Variants in KIF26B observed in about 807,000 individuals in gnomAD.
KIF26B encodes the protein kinesin family member 26B, also known as kinesin-like protein KIF26B.
Under a neutral mutation model 151.2 loss-of-function variants are expected in KIF26B, and 63 were observed. The ratio of observed to expected loss-of-function variants is 0.42; its 90% CI spans 0.34 to 0.51. The LOEUF is 0.51. Ranked by LOEUF, KIF26B falls within the 20% of genes least tolerant of loss-of-function variation. The pLI is 0.07. For missense variants in KIF26B, 2,813 were observed against 2,913.6 expected, an observed-to-expected ratio of 0.97 and a Z score of 0.79; for synonymous variants, 1,357 against 1,262.1, an observed-to-expected ratio of 1.08 and a Z score of -1.59.
chr1:245,347,688 C>G (rs1672482031), intron 2 of KIF26B, among the ~76,000 whole-genome samples: 1 of 152,196 alleles, frequency 6.6e-6, no homozygotes, highest in Non-Finnish European at 1.5e-5. Flanking sequence ...TTTCCAGTTT[C>G]TCATCTCTAT....
chr1:245,419,636 C>A lies in KIF26B; in HGVS notation c.1057C>A (p.Arg353Ser). The A allele has an allele frequency of 1.2e-6, 2 of 1,613,870 alleles. No individual in the cohort carries two copies. Among genetic ancestry groups the A allele is most frequent in the Non-Finnish European group, 1.7e-6 (2 of 1,179,824 alleles). Reference protein sequence around the residue: ...REGLTEAVLNRYNADKPSACS... With the variant: ...REGLTEAVLNSYNADKPSACS... Reference sequence around the variant, plus strand: ...GGGACTAACAGAAGCAGTGCTGAACCGCTACAATGCAGACAAGCCTTCCGC... The same window carrying A: ...GGGACTAACAGAAGCAGTGCTGAACAGCTACAATGCAGACAAGCCTTCCGC... The change falls in exon 4 of 15, where the codon CGC becomes AGC. Residue 353 changes from arginine (R) to serine (S), a missense_variant. Physicochemically the swap from Arg to Ser is moderately radical, Grantham distance 110 (BLOSUM62 -1). Around this residue, in one of 3 missense-constraint regions of KIF26B, gnomAD observed 676 missense variants for 688.1 expected, o/e 0.98. Coordinates refer to ENST00000407071, the MANE Select transcript of KIF26B (RefSeq NM_018012.4).
chr1:245,160,766 G>A (rs867676929), intron 2 of KIF26B, among the ~76,000 whole-genome samples: 14 of 152,152 alleles, frequency 9.2e-5, no homozygotes, highest in Non-Finnish European at 1.3e-4. Flanking sequence ...ATACTGAGAA[G>A]GGTGGCCAGG....
chr1:245,308,232 G>A (rs1050276786), intron 2 of KIF26B, among the ~76,000 whole-genome samples: 15 of 152,288 alleles, frequency 9.8e-5, no homozygotes, highest in African/African-American at 3.1e-4. Flanking sequence ...TCTGGGAGAG[G>A]GAGAGGCATG....
At chr1:245,651,595 C>T (rs2044016287) in intron 10 of KIF26B, among the ~76,000 whole-genome samples, 1 of 152,202 alleles carries the variant, frequency 6.6e-6, no homozygotes, top group Admixed American at 6.5e-5. Flanking sequence ...TCCAAACCCC[C>T]AGGCCACAGA....
Position 245,234,160 on chromosome 1 carries a change from G to A in KIF26B, c.465+77477G>A, listed in dbSNP as rs113131471. Among the ~76,000 whole-genome samples the A allele has an allele frequency of 1.9e-3, 295 of 151,838 alleles. 1 individual carries two copies. Among genetic ancestry groups the A allele is most frequent in the African/African-American group, 6.9e-3 (284 of 41,388 alleles). ...GATCGCGCCACTGCACTTCAGCCTG[G>A]CCTTTAGAACGAGACTCCCTCTTAA... On this transcript the variant is annotated intron_variant, in intron 2 of 14. Coordinates refer to ENST00000407071, the MANE Select transcript of KIF26B (RefSeq NM_018012.4).
intron 12 of KIF26B, among the ~76,000 whole-genome samples, chr1:245,695,011 C>T (rs916547116): frequency 6.6e-6 from 1 of 152,142 alleles, no homozygotes; most frequent in African/African-American, 2.4e-5. Flanking sequence ...GGGCACCACA[C>T]GACTCCCGCC....
At chr1:245,700,838 G>C (rs920150339) in intron 14 of KIF26B, among the ~76,000 whole-genome samples, 1 of 152,222 alleles carries the variant, frequency 6.6e-6, no homozygotes, top group Non-Finnish European at 1.5e-5. Context: ...TGCGCACGGG[G>C]CGCTGTGCTT....
intron 2 of KIF26B, among the ~76,000 whole-genome samples, chr1:245,264,055 AAC>A (rs1455823823): frequency 6.6e-6 from 1 of 152,352 alleles, no homozygotes; most frequent in South Asian, 2.1e-4. Flanking sequence ...TCTAAATACA[AAC>A]ACATGCAAAA....
At chr1:245,585,624 G>A (rs59652242) in intron 5 of KIF26B, among the ~76,000 whole-genome samples, 3,680 of 152,234 alleles carry the variant, frequency 0.024, 158 homozygotes, top group African/African-American at 0.083. Context: ...CCTACATCCT[G>A]TGGATTTATG....
intron 2 of KIF26B, among the ~76,000 whole-genome samples, chr1:245,164,930 G>A (rs55940200): frequency 0.014 from 2,094 of 152,126 alleles, 20 homozygotes; most frequent in Non-Finnish European, 0.023. Flanking sequence ...AAAATTAGCC[G>A]GGCGTGGTGG....
chr1:245,628,477 A>G (rs1026635313), intron 9 of KIF26B, among the ~76,000 whole-genome samples: 1 of 152,228 alleles, frequency 6.6e-6, no homozygotes, highest in African/African-American at 2.4e-5. Flanking sequence ...ATCAATAAAC[A>G]TAATCCATCA....
intron 2 of KIF26B, among the ~76,000 whole-genome samples, chr1:245,283,420 C>T (rs1358646278): frequency 5.9e-5 from 9 of 152,102 alleles, no homozygotes; most frequent in Admixed American, 4.6e-4. Flanking sequence ...GAGTACCTTT[C>T]ACCATCTGTT....
At chr1:245,647,667 A>G (rs1159141026) in intron 10 of KIF26B, among the ~76,000 whole-genome samples, 5 of 152,122 alleles carry the variant, frequency 3.3e-5, no homozygotes, top group Non-Finnish European at 7.3e-5. Flanking sequence ...TGTAGGAGGA[A>G]AAAGTCGGGC....
chr1:245,255,212 C>T (rs7525899), intron 2 of KIF26B, among the ~76,000 whole-genome samples: 2,074 of 152,286 alleles, frequency 0.014, 39 homozygotes, highest in African/African-American at 0.037. Flanking sequence ...TCCTGGACTT[C>T]CTAGTTTCCA....
At chr1:245,461,423 G>A (rs1378920593) in intron 4 of KIF26B, among the ~76,000 whole-genome samples, 4 of 151,836 alleles carry the variant, frequency 2.6e-5, no homozygotes, top group African/African-American at 4.8e-5. Context: ...CTAGGATTAC[G>A]ATTGCACCCC....
At chr1:245,374,429 C>T (rs1024250829) in intron 3 of KIF26B, among the ~76,000 whole-genome samples, 3 of 151,826 alleles carry the variant, frequency 2.0e-5, no homozygotes, top group African/African-American at 4.8e-5. Flanking sequence ...TCTTCCCGGC[C>T]GAACCACTTT....
chr1:245,607,653 TG>T lies in KIF26B; in HGVS notation c.1561del (p.Glu521LysfsTer10). 2 of 1,608,288 alleles carry T rather than the reference TG, an allele frequency of 1.2e-6. No individual in the cohort carries two copies. The highest frequency in any genetic ancestry group is 1.7e-6 in the Non-Finnish European group (2 of 1,177,308). On this transcript the variant is annotated frameshift_variant, in exon 7 of 15. Transcript: ENST00000407071. LOFTEE classifies it high-confidence loss of function. ...GTGTCTCCTCTTGTGTCTGACAGGC[TG>T]AAGTGTGTGCAGGCACCGTGGCAGA... is the stretch of plus-strand genomic sequence containing the variant. ...AVFPQDASQA[E>X]VCAGTVAEVI... is the part of the protein sequence containing the mutation.
At chr1:245,285,590 TC>T (rs1428893540) in intron 2 of KIF26B, among the ~76,000 whole-genome samples, 2 of 150,118 alleles carry the variant, frequency 1.3e-5, no homozygotes, top group Non-Finnish European at 3.0e-5. Flanking sequence ...TCATCTCTAC[TC>T]CTGAAGTCTC....
chr1:245,509,107 C>T (rs558355278), intron 4 of KIF26B, among the ~76,000 whole-genome samples: 8 of 152,236 alleles, frequency 5.3e-5, no homozygotes, highest in East Asian at 3.9e-4. Flanking sequence ...TATTTATGCA[C>T]GTGGAGTAGC....
Sources: allele counts gnomAD v4.1 joint callset (sites outside exome capture counted in the v4.1 genomes callset), GRCh38; gene constraint gnomAD v4.1.1; regional missense constraint gnomAD v4.1.1; transcripts MANE v1.5; gene names NCBI Gene and HGNC (gene_info 2026-07-23, HGNC 2026-07-21).